Variants in ITIH2 observed in about 807,000 individuals in gnomAD.
ITIH2 encodes the protein inter-alpha-trypsin inhibitor heavy chain 2.
Under a neutral mutation model 104.4 loss-of-function variants are expected in ITIH2, and 103 were observed. The ratio of observed to expected loss-of-function variants is 0.99; its 90% CI spans 0.84 to 1.16. The LOEUF is 1.16. Among genes scored for constraint, ITIH2 ranks in the 50% most tolerant of loss-of-function variants. The pLI, the probability that ITIH2 is intolerant of heterozygous loss-of-function variation, is 0.00. For synonymous variants in ITIH2, 436 were observed against 435.4 expected (o/e 1.00, Z -0.02); for missense variants, 1,108 against 1,162.4 (o/e 0.95, Z 0.68).
At chr10:7,720,695 A>G (rs1303680096) in intron 6 of ITIH2, among the ~76,000 whole-genome samples, 161 bp from the exon 7 acceptor site, 1 of 152,260 alleles carries the variant, frequency 6.6e-6, no homozygotes, top group Non-Finnish European at 1.5e-5. Context: ...GATGAATCCC[A>G]TCGCAGGAAC....
chr10:7,731,728 A>G (rs913840814), intron 12 of ITIH2, 83 bp from the exon 13 acceptor site: 1 of 983,206 alleles, frequency 1.0e-6, no homozygotes, highest in African/African-American at 1.7e-5. Flanking sequence ...TCGTCTCAAA[A>G]TAAATAAATA....
At chr10:7,741,104 C>T (rs933670474) in intron 16 of ITIH2, among the ~76,000 whole-genome samples, 9 of 150,116 alleles carry the variant, frequency 6.0e-5, no homozygotes, top group South Asian at 2.1e-4. Flanking sequence ...CAATTTTCTT[C>T]GAACAGAATA....
intron 18 of ITIH2, 107 bp downstream of exon 18, chr10:7,744,387 A>G: frequency 9.9e-7 from 1 of 1,012,750 alleles, no homozygotes; most frequent in Non-Finnish European, 1.5e-6. Flanking sequence ...CATTTTAAAT[A>G]TAAGGAAGTT....
At chr10:7,734,733 C>G (rs917126408) in intron 14 of ITIH2, among the ~76,000 whole-genome samples, 189 bp from the exon 15 acceptor site, 3 of 152,112 alleles carry the variant, frequency 2.0e-5, no homozygotes, top group African/African-American at 7.2e-5. Flanking sequence ...ATAAATAATG[C>G]CTTGGGACTT....
intron 15 of ITIH2, among the ~76,000 whole-genome samples, chr10:7,737,707 ATATTATATTCTATATAATATTCTATAT>A: frequency 8.4e-5 from 2 of 23,944 alleles, no homozygotes; most frequent in African/African-American, 3.1e-4. Flanking sequence ...ATAATATTCT[ATATTATATTCTATATAATATTCTATAT>A]TATATTCTAT....
At chr10:7,737,705 C>T (rs369862752) in intron 15 of ITIH2, among the ~76,000 whole-genome samples, 2 of 20,242 alleles carry the variant, frequency 9.9e-5, no homozygotes, top group Non-Finnish European at 1.5e-4. Context: ...ATATAATATT[C>T]TATATTATAT....
At position 7,749,433 on chromosome 10, in the gene ITIH2, T is replaced by C. The variant is rs1276264699; in HGVS notation, c.*99T>C. 9.6e-7 allele frequency: 1 copy of C among 1,044,096 alleles called. No homozygotes were observed. The highest frequency in any genetic ancestry group is 1.6e-5 in the African/African-American group (1 of 62,004). The allele number at this position is 1,044,096 out of a possible 1,614,324, so 64.7% of individuals were successfully genotyped here. ...TTGAATAATTAAAATGAACCAGATA[T>C]CAGGGTGGTTAATTAAAATGAACCA... On this transcript the variant is annotated 3_prime_UTR_variant, in exon 21 of 21. Transcript: ENST00000358415.
chr10:7,703,917 G>T (rs531838634), intron 1 of ITIH2, among the ~76,000 whole-genome samples: 1 of 152,318 alleles, frequency 6.6e-6, no homozygotes, highest in African/African-American at 2.4e-5. Flanking sequence ...TGATGATGAA[G>T]AAATATTATC....
rs760720083 is a variant in ITIH2 at position 7,731,885 on chromosome 10, C to T, written c.1536C>T (p.Asp512=). 6.2e-7 allele frequency: 1 copy of T among 1,613,738 alleles called. No homozygotes were observed. Among genetic ancestry groups the T allele is most frequent in the Non-Finnish European group, 8.5e-7 (1 of 1,179,658 alleles). The change falls in exon 13 of 21, where the codon GAC becomes GAT. Residue 512 remains aspartate (D), a synonymous_variant. Coordinates refer to ENST00000358415, the MANE Select transcript of ITIH2 (RefSeq NM_002216.3). ...ACTATCCCCATACATCAGTCACGGA[C>T]GTCACTCAAAACAATTTCCATAACT... is the stretch of plus-strand genomic sequence containing the variant. ...QFNYPHTSVT[D]VTQNNFHNYF... is the part of the protein sequence containing the mutation.
At chr10:7,708,022 T>C (rs1014065359) in intron 3 of ITIH2, among the ~76,000 whole-genome samples, 3 of 152,236 alleles carry the variant, frequency 2.0e-5, no homozygotes, top group African/African-American at 7.2e-5. Context: ...GCTTATGTTG[T>C]GCTTCCTGCC....
intron 16 of ITIH2, among the ~76,000 whole-genome samples, chr10:7,742,072 T>C (rs1252481703): frequency 3.9e-5 from 6 of 152,260 alleles, no homozygotes; most frequent in African/African-American, 9.6e-5. Context: ...CATTCTATCT[T>C]ACATTCGTGA....
In ITIH2 at chr10:7,720,853, T is replaced by C. The variant is rs764842909; in HGVS notation, c.631-3T>C. ...TTTGGGTAATTTTCTCTTGCATCTC[T>C]AGGTAGATGTGTGGGTTATCGAACC... On this transcript the variant is annotated splice_region_variant and splice_polypyrimidine_tract_variant and intron_variant, in intron 6 of 20. Coordinates refer to ENST00000358415, the MANE Select transcript of ITIH2 (RefSeq NM_002216.3). 1 of 1,570,318 alleles carries C rather than the reference T, an allele frequency of 6.4e-7. No homozygotes were observed. Among genetic ancestry groups the C allele is most frequent in the African/African-American group, 1.3e-5 (1 of 74,076 alleles).
intron 6 of ITIH2, 118 bp from the exon 7 acceptor site, chr10:7,720,738 T>C (rs1834894209): frequency 6.4e-6 from 4 of 629,820 alleles, no homozygotes; most frequent in African/African-American, 5.5e-5. Context: ...CGTGGAGTCG[T>C]GCCCGGGAAA....
At chr10:7,739,924 G>A (rs1168496591) in intron 16 of ITIH2, among the ~76,000 whole-genome samples, 4 of 151,796 alleles carry the variant, frequency 2.6e-5, no homozygotes, top group South Asian at 2.1e-4. Context: ...GGTGGCTTAC[G>A]CCTGTAATCC....
chr10:7,738,799 G>T, intron 16 of ITIH2, 41 bp downstream of exon 16: 1 of 1,529,098 alleles, frequency 6.5e-7, no homozygotes, highest in South Asian at 1.3e-5. Context: ...GAACTCAGCC[G>T]ACCATAATCC....
Position 7,703,407 on chromosome 10 carries a change from G to A in ITIH2, c.-28G>A. 2 of 1,551,602 alleles carry A rather than the reference G, an allele frequency of 1.3e-6. No homozygotes were observed. The highest frequency in any genetic ancestry group is 4.5e-5 in the East Asian group (2 of 44,610). On this transcript the variant is annotated 5_prime_UTR_variant, in exon 1 of 21. Transcript: ENST00000358415. Reference sequence around the variant, plus strand: ...ATATCCTCCCCAGACCATCTGCTTTGGGGAGCTTGGCAAAACTGTCCAGCA... The same window carrying A: ...ATATCCTCCCCAGACCATCTGCTTTAGGGAGCTTGGCAAAACTGTCCAGCA...
intron 15 of ITIH2, 79 bp downstream of exon 15, chr10:7,735,170 T>C: frequency 7.5e-7 from 1 of 1,330,884 alleles, no homozygotes; most frequent in Non-Finnish European, 1.0e-6. Context: ...GTGCCTCCGC[T>C]CTCTCCCACC....
intron 1 of ITIH2, among the ~76,000 whole-genome samples, chr10:7,704,622 A>C (rs767922107): frequency 6.6e-6 from 1 of 152,176 alleles, no homozygotes; most frequent in Non-Finnish European, 1.5e-5. Flanking sequence ...ATGTCCAACA[A>C]ATGCGAAGGT....
In ITIH2 at chr10:7,717,721, G is replaced by T. The variant is rs1388832985; in HGVS notation, c.563G>T (p.Trp188Leu). ...QFELHYQEVKWRKLGSYEHRI... is the reference protein window; with the variant it reads ...QFELHYQEVKLRKLGSYEHRI... ...GAACTTCACTACCAGGAGGTGAAGT[G>T]GAGGAAGCTGGGCTCCTATGAGCAC... Residue 188 changes from tryptophan to leucine, a missense_variant, in exon 6 of 21, where the codon TGG (tryptophan) becomes TTG (leucine). By Grantham distance (61) the Trp-to-Leu change is moderately conservative. Transcript: ENST00000358415. 5 of 1,613,356 alleles carry T rather than the reference G, an allele frequency of 3.1e-6. No individual in the cohort carries two copies. Among genetic ancestry groups the T allele is most frequent in the Middle Eastern group, 1.8e-4 (1 of 5,456 alleles).
Sources: gnomAD v4.1 joint callset for allele counts (sites outside exome capture counted in the v4.1 genomes callset) on GRCh38, gnomAD v4.1.1 for gene constraint, MANE v1.5 for transcripts, NCBI Gene and HGNC (gene_info 2026-07-23, HGNC 2026-07-21) for gene names.